The following OSBPL10 variants were observed in gnomAD, a reference collection of about 807,000 sequenced individuals.
OSBPL10 encodes the protein oxysterol binding protein like 10.
Under a neutral mutation model 81.7 loss-of-function variants are expected in OSBPL10, and 49 were observed. The observed-to-expected ratio is 0.60, with a 90% CI of 0.48 to 0.76. The LOEUF is 0.76. OSBPL10 is among the 30% of genes least tolerant of loss of function. OSBPL10 has a pLI of 0.00. For missense variants in OSBPL10, 923 were observed against 987.8 expected (o/e 0.93, Z 0.88); for synonymous variants, 419 against 383.6 (o/e 1.09, Z -1.08).
At chr3:31,672,124 AGTGAAGAGTGGG>A (rs1299004968) in intron 8 of OSBPL10, among the ~76,000 whole-genome samples, 5 of 151,908 alleles carry the variant, frequency 3.3e-5, no homozygotes, top group African/African-American at 1.2e-4. Context: ...CAGTGGAAAG[AGTGAAGAGTGGG>A]GTCAATGGCT....
chr3:31,689,592 C>A (rs1192710252), intron 7 of OSBPL10, among the ~76,000 whole-genome samples: 1 of 152,118 alleles, frequency 6.6e-6, no homozygotes, highest in Admixed American at 6.5e-5. Context: ...ACAATTCCCA[C>A]GTGTCGTGGG....
chr3:32,040,389 A>C (rs1223434057), intron 2 of OSBPL10, among the ~76,000 whole-genome samples: 1 of 152,224 alleles, frequency 6.6e-6, no homozygotes, highest in Non-Finnish European at 1.5e-5. Context: ...CCTAGGCGAC[A>C]GAGCAAGACC....
At chr3:31,691,336 T>C (rs868142962) in intron 7 of OSBPL10, among the ~76,000 whole-genome samples, 9 of 152,080 alleles carry the variant, frequency 5.9e-5, no homozygotes, top group African/African-American at 2.2e-4. Context: ...CGAAGGACAC[T>C]TGGAAGGAGG....
rs946703774 is a variant in OSBPL10, at chr3:31,672,364, G to C, written c.1727-1381C>G. On this transcript the variant is annotated intron_variant, in intron 8 of 11. Transcript: ENST00000396556. The stretch of plus-strand genomic sequence containing the variant: ...TTAGAGCTAGAATTTGCGGGGGCGG[G>C]GGGGGGGGCAGGAGGGAGGGAGAGG... 1.6e-4 allele frequency among the ~76,000 whole-genome samples: 16 copies of C among 102,872 alleles called. 1 individual carries two copies. Among genetic ancestry groups the C allele is most frequent in the Admixed American group, 1.4e-3 (15 of 10,996 alleles). 67.5% of individuals were successfully genotyped at this position (102,872 alleles called of 152,430 possible).
At chr3:31,700,259 A>G (rs963252623) in intron 7 of OSBPL10, 1 of 152,224 alleles carries the variant, frequency 6.6e-6, no homozygotes, top group Non-Finnish European at 1.5e-5. Context: ...TGGAAATGCA[A>G]AACAATCATA....
intron 7 of OSBPL10, among the ~76,000 whole-genome samples, chr3:31,686,336 CA>C (rs1700792212): frequency 6.6e-6 from 1 of 152,154 alleles, no homozygotes; most frequent in African/African-American, 2.4e-5. Flanking sequence ...ACAGAAATTT[CA>C]GAGGAAACTA....
Position 32,062,019 on chromosome 3 carries a change from C to T in OSBPL10, n.185+15377G>A, listed in dbSNP as rs775187910. Reference sequence around the variant, plus strand: ...GTTGAATATGCAGATGCAGTATCAACGGACATGGAGACCCAACTACAGGTC... The same window carrying T: ...GTTGAATATGCAGATGCAGTATCAATGGACATGGAGACCCAACTACAGGTC... On this transcript the variant is annotated intron_variant and non_coding_transcript_variant, in intron 1 of 3. Transcript: ENST00000479173. 2.1e-5 allele frequency among the ~76,000 whole-genome samples: 2 copies of T among 93,522 alleles called. 1 individual carries two copies. The highest frequency in any genetic ancestry group is 5.5e-5 in the African/African-American group (2 of 36,222). 61.4% of individuals were successfully genotyped at this position (93,522 alleles called of 152,430 possible). A position where few individuals can be genotyped will look rare whatever the true frequency, so the allele number is the denominator to read the frequency against.
chr3:31,859,557 T>C (rs1319785471), intron 3 of OSBPL10, among the ~76,000 whole-genome samples: 1 of 152,250 alleles, frequency 6.6e-6, no homozygotes, highest in Non-Finnish European at 1.5e-5. Flanking sequence ...AGTAAGTTCA[T>C]GATGGACCCA....
chr3:31,684,160 GGAAAAGCT>G, intron 7 of OSBPL10, 46 bp from the exon 8 acceptor site: 1 of 1,591,120 alleles, frequency 6.3e-7, no homozygotes, highest in Non-Finnish European at 8.6e-7. Flanking sequence ...GGGATTACAC[GGAAAAGCT>G]GAAAAGAAAG....
chr3:31,868,026 C>T (rs1701225840), intron 3 of OSBPL10, among the ~76,000 whole-genome samples: 1 of 151,746 alleles, frequency 6.6e-6, no homozygotes, highest in African/African-American at 2.4e-5. Flanking sequence ...GAAAACAAAA[C>T]GTGTACAAGT....
chr3:31,875,552 C>G (rs376333226), intron 3 of OSBPL10, among the ~76,000 whole-genome samples: 1 of 54,232 alleles, frequency 1.8e-5, no homozygotes, highest in African/African-American at 5.5e-5. Context: ...GGGGATGTTT[C>G]TTTAAAAAAA....
chr3:31,925,482 A>AT (rs34746076), intron 1 of OSBPL10, among the ~76,000 whole-genome samples: 1,656 of 147,260 alleles, frequency 0.011, 16 homozygotes, highest in African/African-American at 0.021. Context: ...CATGCAAAGC[A>AT]TTTTTTTTTT....
intron 3 of OSBPL10, among the ~76,000 whole-genome samples, chr3:31,841,071 G>A (rs773922963): frequency 6.6e-6 from 1 of 152,296 alleles, no homozygotes; most frequent in African/African-American, 2.4e-5. Flanking sequence ...ACCACGCCCA[G>A]CTAATTTTGT....
At chr3:31,813,031 C>G (rs1699749153) in intron 4 of OSBPL10, among the ~76,000 whole-genome samples, 1 of 152,100 alleles carries the variant, frequency 6.6e-6, no homozygotes, top group South Asian at 2.1e-4. Context: ...TGTTTTACAT[C>G]GAAATCTCTC....
intron 3 of OSBPL10, among the ~76,000 whole-genome samples, chr3:31,849,323 T>C (rs1025625170): frequency 1.4e-4 from 22 of 152,198 alleles, no homozygotes; most frequent in African/African-American, 5.1e-4. Flanking sequence ...ATAGACAGTA[T>C]GGGCAATTTG....
Position 31,700,783 on chromosome 3 carries a change from A to G in OSBPL10, c.1245+1576T>C, listed in dbSNP as rs1235426831. 2.0e-5 allele frequency among the ~76,000 whole-genome samples: 3 copies of G among 152,372 alleles called. No individual in the cohort carries two copies. In the East Asian group the frequency reaches 5.8e-4, roughly 29 times the overall value. On this transcript the variant is annotated intron_variant, in intron 7 of 11. Coordinates refer to ENST00000396556, the MANE Select transcript of OSBPL10 (RefSeq NM_017784.5). ...CAATCCACAAGAATAAAACATGGGC[A>G]TCTTTTAAAAGCCAAGCACTTAAAT...
At chr3:31,810,904 C>T (rs989203235) in intron 4 of OSBPL10, among the ~76,000 whole-genome samples, 1 of 152,166 alleles carries the variant, frequency 6.6e-6, no homozygotes, top group African/African-American at 2.4e-5. Flanking sequence ...TGACACATGG[C>T]TGCAGGTACT....
intron 2 of OSBPL10, among the ~76,000 whole-genome samples, chr3:32,000,574 C>A (rs1305673978): frequency 6.6e-6 from 1 of 152,230 alleles, no homozygotes; most frequent in Non-Finnish European, 1.5e-5. Flanking sequence ...ACTCTAAAAG[C>A]ATTTCTATAA....
upstream of OSBPL10, among the ~76,000 whole-genome samples, chr3:31,983,016 C>T (rs563782084): frequency 6.0e-4 from 92 of 152,264 alleles, no homozygotes; most frequent in Non-Finnish European, 1.1e-3. Flanking sequence ...CAGCATGTCC[C>T]GGATAAGGAC....
Sources: allele counts gnomAD v4.1 joint callset (sites outside exome capture counted in the v4.1 genomes callset), GRCh38; gene constraint gnomAD v4.1.1; transcripts MANE v1.5; gene names NCBI Gene and HGNC (gene_info 2026-07-23, HGNC 2026-07-21).